The following RGPD2 variants were observed in gnomAD, a reference collection of about 807,000 sequenced individuals.
RGPD2 encodes the protein RANBP2-like and GRIP domain-containing protein 2.
RGPD2 carries 2 observed loss-of-function variants against 36.0 expected under a neutral mutation model. The ratio of observed to expected loss-of-function variants is 0.06; its 90% confidence interval spans 0.02 to 0.17. RGPD2 has a LOEUF of 0.17. RGPD2 is among the 10% of genes least tolerant of loss of function. The pLI, the probability that RGPD2 is intolerant of heterozygous loss-of-function variation, is 1.00. For synonymous variants in RGPD2, 19 were observed against 163.8 expected, an observed-to-expected ratio of 0.12 and a Z score of 6.75; for missense variants, 40 against 464.3, an observed-to-expected ratio of 0.09 and a Z score of 8.40.
chr2:87,882,661 G>A, the RGPD2 span, among the ~76,000 whole-genome samples: 5 of 152,142 alleles, frequency 3.3e-5, no homozygotes, highest in Non-Finnish European at 5.9e-5. Context: ...GGATTCCATT[G>A]AATTTATAGA....
At chr2:87,918,562 AC>A in the RGPD2 span, among the ~76,000 whole-genome samples, 1 of 151,246 alleles carries the variant, frequency 6.6e-6, no homozygotes, top group African/African-American at 2.4e-5. Flanking sequence ...TGCATGTGAC[AC>A]CACCAATTCT....
rs1215919112 is a variant in RGPD2 at position 87,805,713 on chromosome 2, A to G, written c.975+983T>C. On this transcript the variant is annotated intron_variant, in intron 7 of 22. Transcript: ENST00000398146. ...TCTCTACTAAAAATACAAAAAAATT[A>G]GCCAGGCATGGTGGTGGGCGCTTGT... Among the ~76,000 whole-genome samples the G allele has an allele frequency of 2.0e-5, 3 of 151,948 alleles. No homozygotes were observed. The East Asian group carries it at 5.8e-4, about 29-fold the overall frequency.
chr2:87,940,451 T>C, the RGPD2 span, among the ~76,000 whole-genome samples: 1 of 149,964 alleles, frequency 6.7e-6, no homozygotes, highest in Non-Finnish European at 1.5e-5. Flanking sequence ...ATTGAAAATA[T>C]AAAGATAGGA....
chr2:87,857,773 CT>C, the RGPD2 span, among the ~76,000 whole-genome samples: 2 of 121,736 alleles, frequency 1.6e-5, no homozygotes, highest in East Asian at 2.2e-4. Context: ...CCCATCTCTA[CT>C]AAAAAAAAAA....
the RGPD2 span, among the ~76,000 whole-genome samples, chr2:87,942,414 A>T: frequency 7.0e-6 from 1 of 142,018 alleles, no homozygotes; most frequent in Non-Finnish European, 1.5e-5. Flanking sequence ...ATGGACTGCC[A>T]TTTTAATTGA....
chr2:87,937,234 G>GCACA, the RGPD2 span, among the ~76,000 whole-genome samples: 3 of 151,274 alleles, frequency 2.0e-5, no homozygotes, highest in Admixed American at 6.6e-5. Context: ...AAATTTAAAA[G>GCACA]TGTCTTGAGC....
the RGPD2 span, among the ~76,000 whole-genome samples, chr2:87,878,887 C>CAAATT: frequency 6.6e-6 from 1 of 152,194 alleles, no homozygotes; most frequent in Non-Finnish European, 1.5e-5. Flanking sequence ...ATTCATGTTG[C>CAAATT]AAATTAGAGA....
chr2:87,827,286 A>AAAT (rs1283440509), upstream of RGPD2, among the ~76,000 whole-genome samples: 512 of 151,758 alleles, frequency 3.4e-3, no homozygotes, highest in African/African-American at 0.012. Context: ...GTTAGCAAAA[A>AAAT]AATAGTAACA....
intron 8 of RGPD2, among the ~76,000 whole-genome samples, chr2:87,799,367 CAA>C (rs1183710299): frequency 9.9e-5 from 1 of 10,142 alleles, no homozygotes; most frequent in Non-Finnish European, 2.4e-4. Flanking sequence ...GACTCCGTCT[CAA>C]AAAAAAAAAA....
the RGPD2 span, among the ~76,000 whole-genome samples, chr2:87,876,179 G>T: frequency 1.2e-3 from 165 of 132,246 alleles, no homozygotes; most frequent in African/African-American, 3.7e-3. Flanking sequence ...GATTTGTGGG[G>T]TTTTTTTTTT....
the RGPD2 span, among the ~76,000 whole-genome samples, chr2:87,855,246 A>G: frequency 6.6e-6 from 1 of 152,292 alleles, no homozygotes; most frequent in South Asian, 2.1e-4. Flanking sequence ...GTAAATATCA[A>G]GAAGTGTGAA....
At chr2:87,769,662 A>G (rs1284773271) in intron 22 of RGPD2, among the ~76,000 whole-genome samples, 14 of 151,990 alleles carry the variant, frequency 9.2e-5, no homozygotes, top group Admixed American at 6.6e-4. Context: ...GTATTTTGAG[A>G]TAATATCATT....
At chr2:87,771,409 T>G (rs1277908471) in intron 22 of RGPD2, 1 of 30,052 alleles carries the variant, frequency 3.3e-5, no homozygotes, top group East Asian at 8.3e-4. Flanking sequence ...TTTTTTTTTT[T>G]TTTTTTGAGA....
the RGPD2 span, among the ~76,000 whole-genome samples, chr2:87,916,006 TAGAA>T: frequency 6.7e-6 from 1 of 149,276 alleles, no homozygotes; most frequent in Admixed American, 6.7e-5. Flanking sequence ...CATTAAATGA[TAGAA>T]AGGTAAACAG....
chr2:87,854,579 ACTGT>A, the RGPD2 span, among the ~76,000 whole-genome samples: 1 of 150,704 alleles, frequency 6.6e-6, no homozygotes, highest in Admixed American at 6.6e-5. Context: ...TCCAGTTCTG[ACTGT>A]CTGGTATTCC....
chr2:87,857,392 G>GGGGGCAGT, the RGPD2 span, among the ~76,000 whole-genome samples: 1 of 151,612 alleles, frequency 6.6e-6, no homozygotes, highest in Non-Finnish European at 1.5e-5. Context: ...GCCCAGGCTG[G>GGGGGCAGT]GGTGCAGTGG....
chr2:87,911,179 G>A, the RGPD2 span, among the ~76,000 whole-genome samples: 4 of 126,382 alleles, frequency 3.2e-5, no homozygotes, highest in Non-Finnish European at 6.8e-5. Context: ...GAATAGAGTA[G>A]GAAAGACAGA....
the RGPD2 span, among the ~76,000 whole-genome samples, chr2:87,873,509 TTTTG>T: frequency 3.6e-5 from 5 of 140,490 alleles, no homozygotes; most frequent in African/African-American, 8.2e-5. Flanking sequence ...CATCTGTTTT[TTTTG>T]TTTGTTTGTT....
chr2:87,929,169 T>C, the RGPD2 span, among the ~76,000 whole-genome samples: 1 of 151,744 alleles, frequency 6.6e-6, no homozygotes, highest in Non-Finnish European at 1.5e-5. Context: ...CTTCCAGGGT[T>C]TTTTTTATAG....
Sources: gnomAD v4.1 joint callset for allele counts (sites outside exome capture counted in the v4.1 genomes callset) on GRCh38, gnomAD v4.1.1 for gene constraint, MANE v1.5 for transcripts, NCBI Gene and HGNC (gene_info 2026-07-23, HGNC 2026-07-21) for gene names.